Variants in CLDN1 observed in about 807,000 individuals in gnomAD.
The protein encoded by CLDN1 is claudin 1, also known as claudin-1.
A neutral mutation model predicts 22.6 loss-of-function variants in CLDN1; 12 were observed. The ratio of observed to expected loss-of-function variants is 0.53; its 90% CI spans 0.34 to 0.86. The LOEUF (loss-of-function observed/expected upper bound fraction) is 0.86, where lower values mean the gene tolerates loss of function less well. CLDN1 is among the 40% of genes least tolerant of loss of function. The pLI is 0.02. For missense variants in CLDN1, 250 were observed against 269.5 expected (o/e 0.93, Z 0.51); for synonymous variants, 99 against 103.8 (o/e 0.95, Z 0.28).
chr3:190,312,727 G>A, intron 2 of CLDN1, 145 bp downstream of exon 2: 2 of 861,314 alleles, frequency 2.3e-6, no homozygotes, highest in Non-Finnish European at 3.8e-6. Context: ...TTGTGTTTGA[G>A]AACATGAAAG....
At chr3:190,315,328 G>A (rs529085921) in intron 1 of CLDN1, among the ~76,000 whole-genome samples, 1 of 152,210 alleles carries the variant, frequency 6.6e-6, no homozygotes, top group South Asian at 2.1e-4. Flanking sequence ...ATCCTTAGAA[G>A]GCTCTCAATC....
chr3:190,321,759 A>C (rs1417082612), intron 1 of CLDN1, among the ~76,000 whole-genome samples: 1 of 152,190 alleles, frequency 6.6e-6, no homozygotes, highest in Non-Finnish European at 1.5e-5. Context: ...CTAGAGTGGC[A>C]GAAGTGTCAC....
rs138521472 is a variant in CLDN1, at chr3:190,314,806, A to G, written c.224-1770T>C. 1.8e-3 allele frequency among the ~76,000 whole-genome samples: 267 copies of G among 152,318 alleles called. 1 individual carries two copies. The highest frequency in any genetic ancestry group is 6.0e-3 in the African/African-American group (249 of 41,574). ...ACTTGATTTCATTTAAAAATAAAAA[A>G]GAGACTTCCTGATTCCCCTCACACA... On this transcript the variant is annotated intron_variant, in intron 1 of 3. Coordinates refer to ENST00000295522, the MANE Select transcript of CLDN1 (RefSeq NM_021101.5).
intron 3 of CLDN1, among the ~76,000 whole-genome samples, chr3:190,309,345 G>C (rs1365891582): frequency 6.6e-6 from 1 of 152,146 alleles, no homozygotes; most frequent in Non-Finnish European, 1.5e-5. Context: ...AATCTTATGG[G>C]ATGGGCTCCA....
In CLDN1 at chr3:190,314,156, T is replaced by A. The variant is rs756210875; in HGVS notation, c.224-1120A>T. Among the ~76,000 whole-genome samples, 53 of 152,192 alleles carry A rather than the reference T, an allele frequency of 3.5e-4. 1 individual carries two copies. The highest frequency in any genetic ancestry group is 2.6e-3 in the Admixed American group (40 of 15,272). The stretch of plus-strand genomic sequence containing the variant: ...AAGTAAAATGTAAATTATATCTTTA[T>A]CCAGTGGATTGGAACAATTGACTCC... On this transcript the variant is annotated intron_variant, in intron 1 of 3. Transcript: ENST00000295522.
At position 190,312,877 on chromosome 3, in the gene CLDN1, A is replaced by G; in HGVS notation, c.383T>C (p.Leu128Pro). 6.2e-7 allele frequency: 1 copy of G among 1,614,124 alleles called. No homozygotes were observed. Among genetic ancestry groups the G allele is most frequent in the Non-Finnish European group, 8.5e-7 (1 of 1,179,988 alleles). The part of the protein sequence containing the change: ...MAVIGGAIFL[L>P]AGLAILVATA... Reference sequence around the variant, plus strand: ...GGGGGCACAGCCTCTATTACCTGCAAGAAGAAATATCGCACCCCCAATGAC... The same window carrying G: ...GGGGGCACAGCCTCTATTACCTGCAGGAAGAAATATCGCACCCCCAATGAC... The change falls in exon 2 of 4, where the codon CTT becomes CCT. Residue 128 changes from leucine (L) to proline (P), a missense_variant. Transcript: ENST00000295522.
chr3:190,317,398 C>T (rs1716797778), intron 1 of CLDN1, among the ~76,000 whole-genome samples: 1 of 152,124 alleles, frequency 6.6e-6, no homozygotes, highest in Non-Finnish European at 1.5e-5. Context: ...TCATTTTCCA[C>T]CTGAAAGTAG....
intron 2 of CLDN1, among the ~76,000 whole-genome samples, chr3:190,312,447 T>TC (rs1716648133): frequency 6.6e-6 from 1 of 152,196 alleles, no homozygotes; most frequent in South Asian, 2.1e-4. Flanking sequence ...CTTATTTTTC[T>TC]CCAATAATCC....
At chr3:190,309,625 T>A (rs1393142909) in intron 3 of CLDN1, among the ~76,000 whole-genome samples, 2 of 152,222 alleles carry the variant, frequency 1.3e-5, no homozygotes, top group African/African-American at 4.8e-5. Context: ...TTAAGAAAGA[T>A]GACCTTTGTA....
intron 3 of CLDN1, 87 bp downstream of exon 3, chr3:190,310,082 G>A: frequency 9.4e-7 from 1 of 1,065,616 alleles, no homozygotes; most frequent in Non-Finnish European, 1.4e-6. Flanking sequence ...AGCAAATCTG[G>A]GAAATGATGG....
rs11310748 is a variant in CLDN1 at position 190,312,303 on chromosome 3, ATT to A, written c.388+567_388+568del. ...CAAAAAAATTTAAAGGTATTTCTGT[ATT>A]TTTTTTTTCCTAACTGCTTTAAACT... On this transcript the variant is annotated intron_variant, in intron 2 of 3. Transcript: ENST00000295522. 7.9e-5 allele frequency among the ~76,000 whole-genome samples: 12 copies of A among 151,020 alleles called. No individual in the cohort carries two copies. In the East Asian group the frequency reaches 1.7e-3, roughly 22 times the overall value.
intron 3 of CLDN1, 52 bp from the exon 4 acceptor site, chr3:190,308,491 T>C: frequency 6.4e-7 from 1 of 1,553,364 alleles, no homozygotes; most frequent in Non-Finnish European, 8.9e-7. Flanking sequence ...TGGCAACTTT[T>C]CTAATATAAT....
rs1318303705 is a variant in CLDN1 at position 190,313,240 on chromosome 3, A to C, written c.224-204T>G. 38 of 585,762 alleles carry C rather than the reference A, an allele frequency of 6.5e-5. No homozygotes were observed. In the Admixed American group the frequency reaches 1.2e-3, roughly 18 times the overall value. The allele number at this position is 585,762 out of a possible 1,614,324, so 36.3% of individuals were successfully genotyped here. On this transcript the variant is annotated intron_variant, in intron 1 of 3. Coordinates refer to ENST00000295522, the MANE Select transcript of CLDN1 (RefSeq NM_021101.5). ...AAACAAATGCCAGGCTGGATGATGA[A>C]AAAGAGATCCCTCCACTCCAATATT...
intron 3 of CLDN1, among the ~76,000 whole-genome samples, chr3:190,308,998 A>C (rs546597621): frequency 6.6e-6 from 1 of 152,278 alleles, no homozygotes; most frequent in East Asian, 1.9e-4. Flanking sequence ...GCAGACACTT[A>C]GGGTGGGGTA....
At chr3:190,313,172 G>A in intron 1 of CLDN1, 136 bp from the exon 2 acceptor site, 1 of 943,558 alleles carries the variant, frequency 1.1e-6, no homozygotes, top group Admixed American at 2.1e-5. Context: ...CAGTCATACT[G>A]ATGTTTCCGC....
Position 190,321,266 on chromosome 3 carries a change from C to T in CLDN1, c.223+718G>A, listed in dbSNP as rs186636744. On this transcript the variant is annotated intron_variant, in intron 1 of 3. Transcript: ENST00000295522. Reference sequence around the variant, plus strand: ...TTTAGAACCTTTCTTGTCAGCCTTTCCCCACCTGCCACCAACCTTCTCTTT... The same window carrying T: ...TTTAGAACCTTTCTTGTCAGCCTTTTCCCACCTGCCACCAACCTTCTCTTT... 3.9e-5 allele frequency among the ~76,000 whole-genome samples: 6 copies of T among 152,284 alleles called. No individual in the cohort carries two copies. In the East Asian group the frequency reaches 1.2e-3, roughly 29 times the overall value.
intron 3 of CLDN1, 96 bp downstream of exon 3, chr3:190,310,071 AAG>A: frequency 1.0e-6 from 1 of 984,680 alleles, no homozygotes; most frequent in Non-Finnish European, 1.6e-6. Flanking sequence ...AAATTCTTGA[AAG>A]CAAATCTGGG....
intron 1 of CLDN1, among the ~76,000 whole-genome samples, chr3:190,321,559 C>T (rs377678485): frequency 5.9e-5 from 9 of 152,260 alleles, no homozygotes; most frequent in African/African-American, 1.7e-4. Flanking sequence ...TTTATTTAAG[C>T]GTGCACACTT....
rs1405741387 is a variant in CLDN1, at chr3:190,306,113, G to A, written c.*2164C>T. The A allele has an allele frequency of 6.6e-6, 1 of 152,202 alleles. No homozygotes were observed. The highest frequency in any genetic ancestry group is 1.5e-5 in the Non-Finnish European group (1 of 68,036). 9.4% of individuals were successfully genotyped at this position (152,202 alleles called of 1,614,324 possible). A position where few individuals can be genotyped will look rare whatever the true frequency, so the allele number is the denominator to read the frequency against. ...TTTCCAAACTAACTATCCTAGCAGC[G>A]TCAGCTGCCAGCTAACAGCAAGAGC... On this transcript the variant is annotated 3_prime_UTR_variant, in exon 4 of 4. Transcript: ENST00000295522.
Sources: allele counts gnomAD v4.1 joint callset (sites outside exome capture counted in the v4.1 genomes callset), GRCh38; gene constraint gnomAD v4.1.1; transcripts MANE v1.5; gene names NCBI Gene and HGNC (gene_info 2026-07-23, HGNC 2026-07-21).